The following CD274 variants were observed in gnomAD, a reference collection of about 807,000 sequenced individuals.
CD274 encodes the protein CD274 molecule.
CD274 carries 8 observed loss-of-function variants against 30.1 expected under a neutral mutation model. That is an observed-to-expected ratio of 0.27 (90% CI 0.16 to 0.48). CD274 has a LOEUF of 0.48. Among genes scored for constraint, CD274 ranks in the 20% least tolerant of loss-of-function variants. CD274 has a pLI of 0.99. For synonymous variants in CD274, 152 were observed against 124.6 expected (o/e 1.22, Z -1.46); for missense variants, 353 against 346.6 (o/e 1.02, Z -0.15).
At chr9:5,453,617 A>T (rs1013341238) in intron 1 of CD274, among the ~76,000 whole-genome samples, 1 of 152,260 alleles carries the variant, frequency 6.6e-6, no homozygotes, top group African/African-American at 2.4e-5. Flanking sequence ...TATGAATACC[A>T]TGCAGTAAGA....
Position 5,469,615 on chromosome 9 carries a change from T to G in CD274, c.*1753T>G, listed in dbSNP as rs1429709507. On this transcript the variant is annotated 3_prime_UTR_variant, in exon 7 of 7. Transcript: ENST00000381577. ...TGAAGTTCCCAGGGCTGAGGATCCA[T>G]GCCTTCTTTGTTTCTAAGTTATCTT... 1 of 232,228 alleles carries G rather than the reference T, an allele frequency of 4.3e-6. No individual in the cohort carries two copies. Among genetic ancestry groups the G allele is most frequent in the Admixed American group, 5.6e-5 (1 of 17,770 alleles). 14.4% of individuals were successfully genotyped at this position (232,228 alleles called of 1,614,324 possible).
At chr9:5,460,691 G>T (rs1418032717) in intron 3 of CD274, among the ~76,000 whole-genome samples, 1 of 152,062 alleles carries the variant, frequency 6.6e-6, no homozygotes, top group Non-Finnish European at 1.5e-5. Context: ...TGTACCTCTG[G>T]TGTACGTATC....
Position 5,466,767 on chromosome 9 carries a change from A to C in CD274, c.791-3A>C, listed in dbSNP as rs1490091896. ...GAAATAAAAATGATTTCTTTTTCTC[A>C]AGGGAGAATGATGGATGTGAAAAAA... is the stretch of plus-strand genomic sequence containing the variant. On this transcript the variant is annotated splice_region_variant and splice_polypyrimidine_tract_variant and intron_variant, in intron 5 of 6. Transcript: ENST00000381577. 3 of 1,608,926 alleles carry C rather than the reference A, an allele frequency of 1.9e-6. No homozygotes were observed. The highest frequency in any genetic ancestry group is 3.4e-5 in the Admixed American group (2 of 59,556).
At chr9:5,455,834 G>A (rs1554638076) in intron 1 of CD274, among the ~76,000 whole-genome samples, 1 of 151,672 alleles carries the variant, frequency 6.6e-6, no homozygotes. Flanking sequence ...TCTTTTGAGT[G>A]GGCAGATTTT....
At chr9:5,466,461 A>C (rs1563806093) in intron 5 of CD274, among the ~76,000 whole-genome samples, 1 of 152,184 alleles carries the variant, frequency 6.6e-6, no homozygotes, top group Non-Finnish European at 1.5e-5. Flanking sequence ...TTTCTCTGGA[A>C]AAAAAGATTA....
In CD274 at chr9:5,468,557, T is replaced by G. The variant is rs1038031206; in HGVS notation, c.*695T>G. Reference sequence around the variant, plus strand: ...CCGTTGGTTGCATAGGATGTCACCTTTATTTAACCCATTAATACTCTGGTT... The same window carrying G: ...CCGTTGGTTGCATAGGATGTCACCTGTATTTAACCCATTAATACTCTGGTT... On this transcript the variant is annotated 3_prime_UTR_variant, in exon 7 of 7. Transcript: ENST00000381577. 9.0e-5 allele frequency: 21 copies of G among 232,938 alleles called. No individual in the cohort carries two copies. Among genetic ancestry groups the G allele is most frequent in the Non-Finnish European group, 1.4e-4 (17 of 117,924 alleles). 14.4% of individuals were successfully genotyped at this position (232,938 alleles called of 1,614,324 possible).
intron 3 of CD274, 123 bp from the exon 4 acceptor site, chr9:5,462,711 C>T: frequency 1.2e-6 from 1 of 842,048 alleles, no homozygotes; most frequent in Non-Finnish European, 1.8e-6. Context: ...GGCATCTGAA[C>T]ATTAAGCATA....
At chr9:5,460,826 C>G (rs1218742651) in intron 3 of CD274, among the ~76,000 whole-genome samples, 1 of 152,066 alleles carries the variant, frequency 6.6e-6, no homozygotes, top group African/African-American at 2.4e-5. Context: ...ATTTTGAACT[C>G]GTGTGTTTGT....
chr9:5,466,892 CAA>C, intron 6 of CD274, 63 bp downstream of exon 6: 2 of 1,242,932 alleles, frequency 1.6e-6, no homozygotes, highest in East Asian at 4.7e-5. Flanking sequence ...AAAGCAATAA[CAA>C]AGAGAAATCC....
At chr9:5,451,480 A>G (rs1819201803) in intron 1 of CD274, among the ~76,000 whole-genome samples, 1 of 152,254 alleles carries the variant, frequency 6.6e-6, no homozygotes, top group African/African-American at 2.4e-5. Context: ...TACTTAGTCA[A>G]AGAGCCTGAA....
intron 3 of CD274, among the ~76,000 whole-genome samples, chr9:5,461,910 A>G (rs1210502731): frequency 2.6e-5 from 4 of 152,156 alleles, no homozygotes. Context: ...GGTATCCTAG[A>G]TAGCATCCCA....
Position 5,470,369 on chromosome 9 carries a change from CT to C in CD274, c.*2511del. ...GTTGGATTTGTAAGGCACTTTATCCCTTTTGTCTCATGTTTCATCGTAAATG... is the reference window on the plus strand; with the variant it reads ...GTTGGATTTGTAAGGCACTTTATCCCTTTGTCTCATGTTTCATCGTAAATG... On this transcript the variant is annotated 3_prime_UTR_variant, in exon 7 of 7. Coordinates refer to ENST00000381577, the MANE Select transcript of CD274 (RefSeq NM_014143.4). The C allele has an allele frequency of 4.3e-6, 1 of 232,264 alleles. No individual in the cohort carries two copies. The highest frequency in any genetic ancestry group is 2.2e-5 in the African/African-American group (1 of 45,402). 14.4% of individuals were successfully genotyped at this position (232,264 alleles called of 1,614,324 possible). A position where few individuals can be genotyped will look rare whatever the true frequency, so the allele number is the denominator to read the frequency against.
intron 3 of CD274, 66 bp from the exon 4 acceptor site, chr9:5,462,768 G>A (rs1819426654): frequency 1.4e-6 from 2 of 1,428,646 alleles, no homozygotes; most frequent in Non-Finnish European, 1.9e-6. Context: ...AATGTGGACA[G>A]CATCAAGCTA....
chr9:5,454,495 T>G (rs1819265204), intron 1 of CD274, among the ~76,000 whole-genome samples: 1 of 152,154 alleles, frequency 6.6e-6, no homozygotes, highest in African/African-American at 2.4e-5. Context: ...AATCAGTACA[T>G]GTACATATGC....
At chr9:5,463,286 C>T (rs1300441956) in intron 4 of CD274, 165 bp downstream of exon 4, 1 of 620,884 alleles carries the variant, frequency 1.6e-6, no homozygotes, top group South Asian at 2.0e-5. Flanking sequence ...TTCATCCAAA[C>T]CATATTGTTA....
intron 2 of CD274, 60 bp from the exon 3 acceptor site, chr9:5,457,019 A>ATT: frequency 8.2e-7 from 1 of 1,222,216 alleles, no homozygotes; most frequent in South Asian, 1.4e-5. Context: ...CGCTGTGCCA[A>ATT]TTTTGTAAAT....
chr9:5,451,837 C>T (rs1409556938), intron 1 of CD274, among the ~76,000 whole-genome samples: 2 of 152,010 alleles, frequency 1.3e-5, no homozygotes, highest in Non-Finnish European at 2.9e-5. Flanking sequence ...TTTGATCCTA[C>T]TTAAGAATTT....
intron 1 of CD274, among the ~76,000 whole-genome samples, chr9:5,454,327 C>G (rs1318266783): frequency 1.3e-5 from 2 of 152,066 alleles, no homozygotes; most frequent in African/African-American, 4.8e-5. Context: ...AAGAGTGAAA[C>G]CTACCTGTTC....
Position 5,456,083 on chromosome 9 carries a change from G to A in CD274, c.-14-17G>A, listed in dbSNP as rs72705424. On this transcript the variant is annotated splice_polypyrimidine_tract_variant and intron_variant, in intron 1 of 6. Transcript: ENST00000381577. Reference sequence around the variant, plus strand: ...TATTAAGTGAAGCAGTCTTCTTTTCGTGTTTTCCATAATTAGGGCATTCCA... The same window carrying A: ...TATTAAGTGAAGCAGTCTTCTTTTCATGTTTTCCATAATTAGGGCATTCCA... 0.016 allele frequency: 23,730 copies of A among 1,453,582 alleles called. 231 individuals carry two copies. The highest frequency in any genetic ancestry group is 0.02 in the Non-Finnish European group (21,109 of 1,035,338). The allele number at this position is 1,453,582 out of a possible 1,614,324, so 90.0% of individuals were successfully genotyped here. A position where few individuals can be genotyped will look rare whatever the true frequency, so the allele number is the denominator to read the frequency against.
Sources: allele counts gnomAD v4.1 joint callset (sites outside exome capture counted in the v4.1 genomes callset), GRCh38; gene constraint gnomAD v4.1.1; transcripts MANE v1.5; gene names NCBI Gene and HGNC (gene_info 2026-07-23, HGNC 2026-07-21).